PADI4: variants seen among roughly 807,000 people sequenced by gnomAD.
PADI4 encodes protein-arginine deiminase type-4.
In PADI4, 62 loss-of-function variants were observed where a neutral mutation model predicts 75.0. The observed-to-expected ratio is 0.83, with a 90% CI of 0.67 to 1.02. The LOEUF (loss-of-function observed/expected upper bound fraction) is 1.02, where lower values mean the gene tolerates loss of function less well. Ranked by LOEUF, PADI4 falls within the 50% of genes least tolerant of loss-of-function variation. PADI4 has a pLI of 0.00. For synonymous variants in PADI4, 361 were observed against 348.1 expected, an observed-to-expected ratio of 1.04 and a Z score of -0.41; for missense variants, 845 against 850.5, an observed-to-expected ratio of 0.99 and a Z score of 0.08.
At position 17,352,036 on chromosome 1, in the gene PADI4, G is replaced by GAGGTGGT. The variant is rs1473126517; in HGVS notation, c.1156-2494_1156-2493insTGGTAGG. On this transcript the variant is annotated intron_variant, in intron 10 of 15. Coordinates refer to ENST00000375448, the MANE Select transcript of PADI4 (RefSeq NM_012387.3). ...GGAGAGGCGGCCAGGGAGGTGATGG[G>GAGGTGGT]AGGAGAGGCAGTCAGGGAGGTGATG... Among the ~76,000 whole-genome samples, 40 of 61,952 alleles carry GAGGTGGT rather than the reference G, an allele frequency of 6.5e-4. 3 individuals carry two copies. Among genetic ancestry groups the GAGGTGGT allele is most frequent in the East Asian group, 1.6e-3 (5 of 3,148 alleles). 40.6% of individuals were successfully genotyped at this position (61,952 alleles called of 152,430 possible).
intron 15 of PADI4, among the ~76,000 whole-genome samples, 156 bp downstream of exon 15, chr1:17,359,564 G>A (rs1014798691): frequency 6.6e-6 from 1 of 152,106 alleles, no homozygotes; most frequent in Non-Finnish European, 1.5e-5. Flanking sequence ...ACGTGACCAG[G>A]TCCATGCACG....
intron 15 of PADI4, among the ~76,000 whole-genome samples, chr1:17,362,950 C>T (rs2074866584): frequency 6.6e-6 from 1 of 152,092 alleles, no homozygotes; most frequent in South Asian, 2.1e-4. Flanking sequence ...CCTCAGCCTC[C>T]CAAGTAGCTG....
chr1:17,325,285 C>A (rs939963070), intron 1 of PADI4, among the ~76,000 whole-genome samples: 1 of 151,934 alleles, frequency 6.6e-6, no homozygotes, highest in Non-Finnish European at 1.5e-5. Flanking sequence ...TGAATATTTT[C>A]TTCATAAAAA....
At chr1:17,324,414 T>C (rs1466749886) in intron 1 of PADI4, among the ~76,000 whole-genome samples, 1 of 152,166 alleles carries the variant, frequency 6.6e-6, no homozygotes, top group Non-Finnish European at 1.5e-5. Context: ...GTGAATATAT[T>C]CTCCTTACAT....
At chr1:17,331,313 T>C (rs2074207742) in intron 2 of PADI4, among the ~76,000 whole-genome samples, 164 bp downstream of exon 2, 1 of 152,168 alleles carries the variant, frequency 6.6e-6, no homozygotes, top group African/African-American at 2.4e-5. Flanking sequence ...GGGACAATAA[T>C]ATACGGCTAC....
chr1:17,358,690 C>A, intron 13 of PADI4, 148 bp from the exon 14 acceptor site: 1 of 647,132 alleles, frequency 1.5e-6, no homozygotes. Flanking sequence ...ATTTGACTTG[C>A]AGATGCTCAC....
rs576465658 is a variant in PADI4 at position 17,331,738 on chromosome 1, T to C, written c.273+589T>C. Among the ~76,000 whole-genome samples the C allele has an allele frequency of 2.0e-5, 3 of 152,166 alleles. No individual in the cohort carries two copies. The East Asian group carries it at 5.8e-4, about 30-fold the overall frequency. The stretch of plus-strand genomic sequence containing the variant: ...TTTGAGACCAGCCTGGCCAACACGG[T>C]GAAACCCCATCTCTATTAAAAATAC... On this transcript the variant is annotated intron_variant, in intron 2 of 15. Transcript: ENST00000375448.
rs1309440607 is a variant in PADI4, at chr1:17,352,007, G to A, written c.1156-2526G>A. Among the ~76,000 whole-genome samples, 113 of 22,140 alleles carry A rather than the reference G, an allele frequency of 5.1e-3. 7 individuals carry two copies. The highest frequency in any genetic ancestry group is 0.026 in the African/African-American group (62 of 2,366). 14.5% of individuals were successfully genotyped at this position (22,140 alleles called of 152,430 possible). A position where few individuals can be genotyped will look rare whatever the true frequency, so the allele number is the denominator to read the frequency against. ...GAGGAGAGGCAGTCAGGGAGGTGATGGGAGGAGAGGCGGCCAGGGAGGTGA... is the reference window on the plus strand; with the variant it reads ...GAGGAGAGGCAGTCAGGGAGGTGATAGGAGGAGAGGCGGCCAGGGAGGTGA... On this transcript the variant is annotated intron_variant, in intron 10 of 15. Transcript: ENST00000375448.
intron 2 of PADI4, among the ~76,000 whole-genome samples, chr1:17,332,480 C>T (rs2074232035): frequency 6.6e-6 from 1 of 152,094 alleles, no homozygotes; most frequent in Admixed American, 6.5e-5. Flanking sequence ...AAACTCCTGA[C>T]CTCAAGTGAT....
chr1:17,341,875 C>T, intron 6 of PADI4, 68 bp from the exon 7 acceptor site: 2 of 1,262,462 alleles, frequency 1.6e-6, no homozygotes, highest in Non-Finnish European at 2.2e-6. Flanking sequence ...CTGGGGAGCA[C>T]TAAGGAGAGG....
rs2074764295 is a variant in PADI4, at chr1:17,356,571, T to G, written c.1558+112T>G. On this transcript the variant is annotated intron_variant, in intron 13 of 15. Coordinates refer to ENST00000375448, the MANE Select transcript of PADI4 (RefSeq NM_012387.3). The surrounding 1 kb of genome is among the most constrained non-coding windows in gnomAD (Gnocchi z 4.1). The stretch of plus-strand genomic sequence containing the variant: ...TAGGGTAGCATCTGAGCACCTACTG[T>G]GCGCCAGGCACTGTGCCAAGTGCTA... The G allele has an allele frequency of 1.5e-6, 1 of 666,048 alleles. No homozygotes were observed. The highest frequency in any genetic ancestry group is 2.6e-5 in the Admixed American group (1 of 37,762). The allele number at this position is 666,048 out of a possible 1,614,324, so 41.3% of individuals were successfully genotyped here.
At chr1:17,358,080 T>C (rs2074791295) in intron 13 of PADI4, among the ~76,000 whole-genome samples, 1 of 151,464 alleles carries the variant, frequency 6.6e-6, no homozygotes. Context: ...AAACCCCGAC[T>C]TTACTAAAAG....
rs34742148 is a variant in PADI4 at position 17,311,262 on chromosome 1, C to CA, written c.92+2960dup. 5.0e-3 allele frequency among the ~76,000 whole-genome samples: 723 copies of CA among 143,610 alleles called. 8 individuals carry two copies. Among genetic ancestry groups the CA allele is most frequent in the African/African-American group, 0.017 (655 of 39,396 alleles). 94.2% of individuals were successfully genotyped at this position (143,610 alleles called of 152,430 possible). A position where few individuals can be genotyped will look rare whatever the true frequency, so the allele number is the denominator to read the frequency against. On this transcript the variant is annotated intron_variant, in intron 1 of 15. Coordinates refer to ENST00000375448, the MANE Select transcript of PADI4 (RefSeq NM_012387.3). ...AGGGCAACAGAGTGAGACTCTGTCT[C>CA]AAAAAAAAAAAAGTTAAAGGTGGCA...
At position 17,346,007 on chromosome 1, in the gene PADI4, CT is replaced by C; in HGVS notation, c.936-20del. On this transcript the variant is annotated intron_variant, in intron 8 of 15. Transcript: ENST00000375448. This position sits in a 1 kb window ranked among gnomAD's most constrained non-coding sequence, Gnocchi z 4.3. ...CTTCAAATTCCAGAGCACTAAGGAG[CT>C]GCTTTTCTGCTCTCTCTAGTATTTT... is the stretch of plus-strand genomic sequence containing the variant. 2 of 1,467,404 alleles carry C rather than the reference CT, an allele frequency of 1.4e-6. No individual in the cohort carries two copies. The highest frequency in any genetic ancestry group is 2.8e-5 in the African/African-American group (2 of 72,224). 90.9% of individuals were successfully genotyped at this position (1,467,404 alleles called of 1,614,324 possible).
At chr1:17,355,956 A>G in intron 11 of PADI4, 27 bp from the exon 12 acceptor site, 1 of 1,613,916 alleles carries the variant, frequency 6.2e-7, no homozygotes, top group Non-Finnish European at 8.5e-7. Flanking sequence ...TGCTGCCGAT[A>G]ACACCCCTTT....
intron 13 of PADI4, 25 bp from the exon 14 acceptor site, chr1:17,358,812 CT>C (rs751036451): frequency 2.3e-5 from 35 of 1,521,308 alleles, no homozygotes; most frequent in East Asian, 4.7e-5. Flanking sequence ...GTTCATTTGC[CT>C]TTTTTTTCTT....
At chr1:17,338,287 A>G in intron 5 of PADI4, 132 bp downstream of exon 5, 2 of 641,810 alleles carry the variant, frequency 3.1e-6, no homozygotes, top group Non-Finnish European at 2.9e-6. Context: ...TCTGTTTTAT[A>G]GGTGAAGCAA....
At chr1:17,330,898 G>C in intron 1 of PADI4, 71 bp from the exon 2 acceptor site, 1 of 978,304 alleles carries the variant, frequency 1.0e-6, no homozygotes, top group Non-Finnish European at 1.5e-6. Flanking sequence ...AAGGAGAAAT[G>C]CTGGGAGAGC....
At chr1:17,324,414 TCTC>T (rs2074086280) in intron 1 of PADI4, among the ~76,000 whole-genome samples, 1 of 152,166 alleles carries the variant, frequency 6.6e-6, no homozygotes, top group Non-Finnish European at 1.5e-5. Flanking sequence ...GTGAATATAT[TCTC>T]CTTACATTGT....
Sources: gnomAD v4.1 joint callset for allele counts (sites outside exome capture counted in the v4.1 genomes callset) on GRCh38, gnomAD v4.1.1 for gene constraint, Gnocchi (gnomAD v3.1) non-coding constraint, MANE v1.5 for transcripts, NCBI Gene and HGNC (gene_info 2026-07-23, HGNC 2026-07-21) for gene names.